The following TBC1D15 variants were observed in gnomAD, a reference collection of about 807,000 sequenced individuals.
TBC1D15 encodes the protein TBC1 domain family member 15.
Under a neutral mutation model 95.4 loss-of-function variants are expected in TBC1D15, and 39 were observed. The ratio of observed to expected loss-of-function variants is 0.41; its 90% CI spans 0.32 to 0.53. TBC1D15 has a LOEUF of 0.53. TBC1D15 is among the 20% of genes least tolerant of loss of function. The probability of loss-of-function intolerance (pLI) is 0.29; values close to 1 mark genes in which losing one functional copy is unlikely to be tolerated. For missense variants in TBC1D15, 733 were observed against 794.3 expected (o/e 0.92, Z 0.93); for synonymous variants, 258 against 261.3 (o/e 0.99, Z 0.12).
intron 11 of TBC1D15, among the ~76,000 whole-genome samples, chr12:71,912,403 G>A (rs893451377): frequency 1.3e-5 from 2 of 152,100 alleles, no homozygotes; most frequent in Admixed American, 6.6e-5. Flanking sequence ...ACAGGGTGCA[G>A]TGTAGACAGA....
intron 4 of TBC1D15, among the ~76,000 whole-genome samples, chr12:71,881,427 T>C (rs979885504): frequency 6.6e-5 from 10 of 152,150 alleles, no homozygotes; most frequent in Non-Finnish European, 1.5e-4. Context: ...ATCACCTGGG[T>C]AGGTTAGATT....
At chr12:71,881,429 G>A (rs2052732) in intron 4 of TBC1D15, among the ~76,000 whole-genome samples, 12,653 of 152,188 alleles carry the variant, frequency 0.083, 717 homozygotes, top group Non-Finnish European at 0.12. Flanking sequence ...CACCTGGGTA[G>A]GTTAGATTTT....
At chr12:71,887,493 C>T (rs930161881) in intron 5 of TBC1D15, among the ~76,000 whole-genome samples, 8 of 152,142 alleles carry the variant, frequency 5.3e-5, no homozygotes, top group African/African-American at 1.9e-4. Context: ...TCATCTCATG[C>T]CATTGTCTTT....
At chr12:71,873,380 A>G (rs1893097158) in intron 3 of TBC1D15, among the ~76,000 whole-genome samples, 1 of 152,182 alleles carries the variant, frequency 6.6e-6, no homozygotes, top group African/African-American at 2.4e-5. Flanking sequence ...CATCTGTGTT[A>G]CATAGCATGT....
intron 1 of TBC1D15, among the ~76,000 whole-genome samples, chr12:71,858,508 T>C (rs1443728255): frequency 1.3e-5 from 2 of 151,016 alleles, no homozygotes; most frequent in Admixed American, 6.6e-5. Context: ...TTTTGAAATA[T>C]AGTCAAAAGT....
chr12:71,850,252 G>A, intron 1 of TBC1D15: 2 of 532,414 alleles, frequency 3.8e-6, no homozygotes, highest in Non-Finnish European at 7.3e-6. Context: ...TTCAAAAGAA[G>A]TAACATTTCT....
At chr12:71,879,534 T>C (rs1428088997) in intron 3 of TBC1D15, among the ~76,000 whole-genome samples, 2 of 152,214 alleles carry the variant, frequency 1.3e-5, no homozygotes, top group Non-Finnish European at 2.9e-5. Context: ...TAGTTTGTCC[T>C]CCTGTGTCAG....
At chr12:71,910,177 T>C (rs1054476989) in intron 11 of TBC1D15, among the ~76,000 whole-genome samples, 3 of 151,906 alleles carry the variant, frequency 2.0e-5, no homozygotes, top group African/African-American at 4.9e-5. Context: ...GTTGTAGATA[T>C]GCGACGTTAT....
At chr12:71,853,309 A>G (rs1382117077) in intron 1 of TBC1D15, among the ~76,000 whole-genome samples, 1 of 152,156 alleles carries the variant, frequency 6.6e-6, no homozygotes. Context: ...TAAACTGAGA[A>G]ACTGCCCCCA....
intron 11 of TBC1D15, 106 bp from the exon 12 acceptor site, chr12:71,913,720 A>G (rs1902994953): frequency 2.8e-6 from 2 of 709,338 alleles, no homozygotes; most frequent in South Asian, 1.7e-5. Flanking sequence ...TTCTAAATGC[A>G]AAGGAGAAAG....
At position 71,895,988 on chromosome 12, in the gene TBC1D15, G is replaced by A. The variant is rs376441338; in HGVS notation, c.897G>A (p.Pro299=). The part of the protein sequence containing the change: ...GERPVVQRRE[P]VSLEEWTKNI... ...GCCCTGTTGTTCAAAGGAGAGAACCGGTATCACTGGAAGAATGGACTAAGA... is the reference window on the plus strand; with the variant it reads ...GCCCTGTTGTTCAAAGGAGAGAACCAGTATCACTGGAAGAATGGACTAAGA... Residue 299 remains proline (P), a synonymous_variant, in exon 8 of 17, where the codon CCG becomes CCA. Transcript: ENST00000485960. 14 of 1,612,316 alleles carry A rather than the reference G, an allele frequency of 8.7e-6. No individual in the cohort carries two copies. The highest frequency in any genetic ancestry group is 1.3e-5 in the African/African-American group (1 of 74,794).
intron 12 of TBC1D15, among the ~76,000 whole-genome samples, chr12:71,914,679 T>C (rs1903255572): frequency 6.6e-6 from 1 of 151,980 alleles, no homozygotes; most frequent in South Asian, 2.1e-4. Context: ...ACTAACATAC[T>C]GGATGCTGGG....
At chr12:71,898,773 A>G (rs1364722685) in intron 10 of TBC1D15, among the ~76,000 whole-genome samples, 1 of 152,162 alleles carries the variant, frequency 6.6e-6, no homozygotes, top group African/African-American at 2.4e-5. Flanking sequence ...ACACCCTCCC[A>G]TGAAAGAAAT....
chr12:71,848,198 G>A (rs1886819437), intron 1 of TBC1D15, among the ~76,000 whole-genome samples: 1 of 152,134 alleles, frequency 6.6e-6, no homozygotes, highest in South Asian at 2.1e-4. Context: ...TTCTTGATTG[G>A]ATACCTGGGA....
In TBC1D15 at chr12:71,839,826, C is replaced by T. The variant is rs1360975414; in HGVS notation, c.30+15C>T. ...TGAGCGGGAAGGTAGGTAACGGCCT[C>T]CAGGAAGACCTCGGCTTTTCTCTGG... On this transcript the variant is annotated intron_variant, in intron 1 of 16. Transcript: ENST00000485960. 1 of 1,614,090 alleles carries T rather than the reference C, an allele frequency of 6.2e-7. No individual in the cohort carries two copies. Among genetic ancestry groups the T allele is most frequent in the Admixed American group, 1.7e-5 (1 of 60,020 alleles).
At chr12:71,866,021 C>T (rs1008919613) in intron 1 of TBC1D15, among the ~76,000 whole-genome samples, 2 of 152,028 alleles carry the variant, frequency 1.3e-5, no homozygotes, top group Non-Finnish European at 2.9e-5. Context: ...CCTGTTTTCC[C>T]AGAAGGCAAG....
At position 71,875,811 on chromosome 12, in the gene TBC1D15, T is replaced by G. The variant is rs547040993; in HGVS notation, c.204+2808T>G. 3.9e-5 allele frequency among the ~76,000 whole-genome samples: 6 copies of G among 152,208 alleles called. No individual in the cohort carries two copies. In the East Asian group the frequency reaches 5.8e-4, roughly 15 times the overall value. On this transcript the variant is annotated intron_variant, in intron 3 of 16. Coordinates refer to ENST00000485960, the MANE Select transcript of TBC1D15 (RefSeq NM_001146213.3). ...GATTTTATTTTTATTTATTTATTTA[T>G]TTTTGAAGCAGAGTCTCACTCTGTC...
chr12:71,866,086 T>C (rs1891438432), intron 1 of TBC1D15, among the ~76,000 whole-genome samples: 1 of 152,042 alleles, frequency 6.6e-6, no homozygotes, highest in African/African-American at 2.4e-5. Flanking sequence ...GTGGACTGAC[T>C]CTGTTTCCAC....
intron 6 of TBC1D15, among the ~76,000 whole-genome samples, chr12:71,893,885 A>G (rs1897666786): frequency 6.6e-6 from 1 of 151,886 alleles, no homozygotes; most frequent in Non-Finnish European, 1.5e-5. Context: ...TCATTTAACA[A>G]ATATGTGAGT....
Sources: allele counts gnomAD v4.1 joint callset (sites outside exome capture counted in the v4.1 genomes callset), GRCh38; gene constraint gnomAD v4.1.1; transcripts MANE v1.5; gene names NCBI Gene and HGNC (gene_info 2026-07-23, HGNC 2026-07-21).